CALN1: variants seen among roughly 807,000 people sequenced by gnomAD.
The protein encoded by CALN1 is calneuron 1.
In CALN1, 17 loss-of-function variants were observed where a neutral mutation model predicts 30.6. That is an observed-to-expected ratio of 0.56 (90% CI 0.38 to 0.83). The LOEUF (loss-of-function observed/expected upper bound fraction) is 0.83. Among genes scored for constraint, CALN1 ranks in the 40% least tolerant of loss-of-function variants. CALN1 has a pLI of 0.00. For synonymous variants in CALN1, 156 were observed against 131.4 expected (o/e 1.19, Z -1.28); for missense variants, 291 against 354.9 (o/e 0.82, Z 1.45).
rs1792660512 is a variant in CALN1, at chr7:71,780,538, CATT to C, written c.*7234_*7236del. 1 of 152,174 alleles carries C rather than the reference CATT, an allele frequency of 6.6e-6. No individual in the cohort carries two copies. Among genetic ancestry groups the C allele is most frequent in the African/African-American group, 2.4e-5 (1 of 41,426 alleles). 9.4% of individuals were successfully genotyped at this position (152,174 alleles called of 1,614,324 possible). On this transcript the variant is annotated 3_prime_UTR_variant, in exon 7 of 7. Transcript: ENST00000395275. ...GCACCGCTCAGCACTCAGCATCCCT[CATT>C]AGCCATTTAAAGGGCTGTCGCAGGT...
intron 5 of CALN1, among the ~76,000 whole-genome samples, chr7:71,960,466 A>G (rs866501568): frequency 4.6e-5 from 7 of 152,196 alleles, no homozygotes; most frequent in Non-Finnish European, 7.3e-5. Flanking sequence ...TGAGGATAGT[A>G]GCTTCCACTT....
the CALN1 span, among the ~76,000 whole-genome samples, chr7:72,470,653 A>C: frequency 1.3e-5 from 2 of 152,222 alleles, no homozygotes; most frequent in South Asian, 4.1e-4. Context: ...TTCCTTGGTA[A>C]AATATAAAAT....
rs550274072 is a variant in CALN1, at chr7:72,242,986, A to G, written c.244+35700T>C. On this transcript the variant is annotated intron_variant, in intron 3 of 6. Coordinates refer to ENST00000395275, the MANE Select transcript of CALN1 (RefSeq NM_031468.4). ...AGCAAAGACATTTGATATTATAGAT[A>G]TGGATGTAGATATTCCCAAAACCCA... is the stretch of plus-strand genomic sequence containing the variant. Among the ~76,000 whole-genome samples the G allele has an allele frequency of 2.6e-5, 4 of 152,352 alleles. No individual in the cohort carries two copies. In the South Asian group the frequency reaches 8.3e-4, roughly 32 times the overall value.
At chr7:72,185,132 A>T (rs1790088023) in intron 3 of CALN1, among the ~76,000 whole-genome samples, 1 of 151,964 alleles carries the variant, frequency 6.6e-6, no homozygotes, top group South Asian at 2.1e-4. Context: ...TTAGTGTGAG[A>T]AATTTGCAAT....
intron 5 of CALN1, among the ~76,000 whole-genome samples, chr7:71,830,280 T>C (rs1789188638): frequency 6.6e-6 from 1 of 152,120 alleles, no homozygotes; most frequent in Non-Finnish European, 1.5e-5. Flanking sequence ...TGACCTCAGG[T>C]GATCCACCCG....
intron 3 of CALN1, among the ~76,000 whole-genome samples, chr7:72,157,139 C>G (rs558802607): frequency 6.6e-6 from 1 of 152,178 alleles, no homozygotes; most frequent in Non-Finnish European, 1.5e-5. Context: ...AGATCTTGAT[C>G]GATGACATGG....
At chr7:72,475,413 C>T in the CALN1 span, among the ~76,000 whole-genome samples, 201 of 152,148 alleles carry the variant, frequency 1.3e-3, 1 homozygote, top group African/African-American at 4.5e-3. Flanking sequence ...GAGCCGAGAT[C>T]GCGCCACTGC....
At chr7:71,996,791 TAAA>T (rs1562964714) in intron 5 of CALN1, among the ~76,000 whole-genome samples, 1 of 151,658 alleles carries the variant, frequency 6.6e-6, no homozygotes. Context: ...AAAATTAAAT[TAAA>T]AAAAGAAGTC....
intron 3 of CALN1, among the ~76,000 whole-genome samples, chr7:72,253,315 A>T (rs1390513013): frequency 6.6e-6 from 1 of 152,232 alleles, no homozygotes; most frequent in East Asian, 1.9e-4. Flanking sequence ...TATGGAACTG[A>T]TGCCTTCATC....
intron 3 of CALN1, among the ~76,000 whole-genome samples, chr7:72,249,329 C>T (rs1356859881): frequency 6.6e-6 from 1 of 152,200 alleles, no homozygotes. Context: ...ACCATCATCG[C>T]AACACCACCA....
chr7:72,001,187 G>C (rs1325931562), intron 5 of CALN1, among the ~76,000 whole-genome samples: 1 of 152,128 alleles, frequency 6.6e-6, no homozygotes, highest in Non-Finnish European at 1.5e-5. Context: ...GATCTCAGGA[G>C]TTGGGTGAAT....
chr7:71,926,280 T>TG (rs55985970), intron 5 of CALN1, among the ~76,000 whole-genome samples: 152,248 of 152,250 alleles, frequency 1, 76,123 homozygotes, highest in Non-Finnish European at 1. Flanking sequence ...TGAAAGCCTT[T>TG]GCCCCTGCCA....
chr7:72,411,205 A>T (rs1807117673), intron 1 of CALN1, among the ~76,000 whole-genome samples: 1 of 152,236 alleles, frequency 6.6e-6, no homozygotes, highest in Non-Finnish European at 1.5e-5. Context: ...AAAATAGAAA[A>T]TGAACTGAAA....
chr7:72,072,905 T>A (rs1004522098), intron 4 of CALN1, among the ~76,000 whole-genome samples: 22 of 152,056 alleles, frequency 1.4e-4, no homozygotes, highest in African/African-American at 5.3e-4. Flanking sequence ...ATAAAATATA[T>A]ACAAAAGAGA....
intron 2 of CALN1, among the ~76,000 whole-genome samples, chr7:72,375,794 T>C (rs1585610966): frequency 6.6e-6 from 1 of 152,098 alleles, no homozygotes; most frequent in Admixed American, 6.6e-5. Context: ...AAATATATAA[T>C]TTTACTTCTT....
At chr7:72,401,182 G>C (rs1806312527) in intron 2 of CALN1, among the ~76,000 whole-genome samples, 1 of 152,200 alleles carries the variant, frequency 6.6e-6, no homozygotes, top group African/African-American at 2.4e-5. Flanking sequence ...TACCCAGGCA[G>C]TGCTTTACCT....
intron 4 of CALN1, among the ~76,000 whole-genome samples, chr7:72,081,041 A>G (rs1024350344): frequency 2.0e-5 from 3 of 152,116 alleles, no homozygotes; most frequent in South Asian, 2.1e-4. Context: ...AGCTGAGGAC[A>G]ATGCACCCAC....
chr7:72,352,183 CAAAAA>C (rs934266593), intron 2 of CALN1, among the ~76,000 whole-genome samples: 1 of 147,836 alleles, frequency 6.8e-6, no homozygotes, highest in Non-Finnish European at 1.5e-5. Context: ...AACAAACAAA[CAAAAA>C]AAACCACTTT....
At chr7:72,053,120 C>T (rs1802945209) in intron 4 of CALN1, among the ~76,000 whole-genome samples, 2 of 152,206 alleles carry the variant, frequency 1.3e-5, no homozygotes, top group Non-Finnish European at 2.9e-5. Flanking sequence ...ATCCCAGCTA[C>T]TCGGGAGGCT....
Sources: allele counts gnomAD v4.1 joint callset (sites outside exome capture counted in the v4.1 genomes callset), GRCh38; gene constraint gnomAD v4.1.1; transcripts MANE v1.5; gene names NCBI Gene and HGNC (gene_info 2026-07-23, HGNC 2026-07-21).